The following DNM3 variants were observed in gnomAD, a reference collection of about 807,000 sequenced individuals.
DNM3 encodes dynamin-3.
A neutral mutation model predicts 101.6 loss-of-function variants in DNM3; 47 were observed. That is an observed-to-expected ratio of 0.46 (90% confidence interval 0.37 to 0.59). The LOEUF (loss-of-function observed/expected upper bound fraction) is 0.59. Ranked by LOEUF, DNM3 falls within the 20% of genes least tolerant of loss-of-function variation. The pLI, the probability that DNM3 is intolerant of heterozygous loss-of-function variation, is 0.00. For missense variants in DNM3, 849 were observed against 1,085.7 expected (o/e 0.78, Z 3.06); for synonymous variants, 385 against 387.9 (o/e 0.99, Z 0.09).
At chr1:171,853,393 C>T (rs1252814794) in intron 1 of DNM3, among the ~76,000 whole-genome samples, 2 of 152,078 alleles carry the variant, frequency 1.3e-5, no homozygotes, top group East Asian at 3.9e-4. Context: ...TCTTGAACTC[C>T]TGGGCTCAAG....
chr1:171,891,440 G>T (rs748387013), intron 1 of DNM3, among the ~76,000 whole-genome samples: 1 of 150,984 alleles, frequency 6.6e-6, no homozygotes, highest in Non-Finnish European at 1.5e-5. Flanking sequence ...TGGTATGTTT[G>T]TTGCAATTAA....
rs1240007065 is a variant in DNM3 at position 172,410,306 on chromosome 1, A to G, written c.*2465A>G. On this transcript the variant is annotated 3_prime_UTR_variant, in exon 21 of 21. Coordinates refer to ENST00000627582, the MANE Select transcript of DNM3 (RefSeq NM_015569.5). ...ACGTGCAGCATGCACACCAGGCCTT[A>G]AGATGGGAATGTAGCTTAATGATTT... 2 of 985,260 alleles carry G rather than the reference A, an allele frequency of 2.0e-6. No homozygotes were observed. The highest frequency in any genetic ancestry group is 2.4e-6 in the Non-Finnish European group (2 of 829,874). 61.0% of individuals were successfully genotyped at this position (985,260 alleles called of 1,614,324 possible).
At chr1:172,386,154 T>C (rs1175517682) in intron 18 of DNM3, among the ~76,000 whole-genome samples, 4 of 152,244 alleles carry the variant, frequency 2.6e-5, no homozygotes, top group African/African-American at 7.2e-5. Flanking sequence ...CCATACTTCA[T>C]CGATTCTCAC....
At chr1:172,016,492 T>A (rs2047463015) in intron 4 of DNM3, among the ~76,000 whole-genome samples, 1 of 152,260 alleles carries the variant, frequency 6.6e-6, no homozygotes, top group Non-Finnish European at 1.5e-5. Context: ...ACTACATTGT[T>A]GGACTTGACT....
intron 15 of DNM3, among the ~76,000 whole-genome samples, chr1:172,256,024 G>A (rs757724991): frequency 6.6e-6 from 1 of 152,050 alleles, no homozygotes; most frequent in Non-Finnish European, 1.5e-5. Context: ...TATACTAATA[G>A]ACCTTCTGAT....
intron 14 of DNM3, chr1:172,144,483 A>G: frequency 1.0e-5 from 4 of 400,038 alleles, no homozygotes; most frequent in South Asian, 8.7e-5. Flanking sequence ...AGGAGCAAAC[A>G]AATGTCTTCT....
At chr1:172,397,704 G>A (rs1306703533) in intron 20 of DNM3, among the ~76,000 whole-genome samples, 1 of 151,958 alleles carries the variant, frequency 6.6e-6, no homozygotes, top group Non-Finnish European at 1.5e-5. Context: ...TGTTTCTGGT[G>A]TTTGCTTAAA....
At chr1:172,365,266 T>A (rs945610774) in intron 17 of DNM3, among the ~76,000 whole-genome samples, 9 of 151,990 alleles carry the variant, frequency 5.9e-5, no homozygotes, top group Admixed American at 1.3e-4. Context: ...GATAAAATTA[T>A]GTGATATCTG....
chr1:172,091,865 A>G (rs1276458617), intron 12 of DNM3, among the ~76,000 whole-genome samples: 6 of 152,228 alleles, frequency 3.9e-5, no homozygotes, highest in African/African-American at 1.2e-4. Context: ...ACAGTAATCC[A>G]GATGAGGGAT....
At chr1:172,382,767 C>T (rs1343711934) in intron 18 of DNM3, among the ~76,000 whole-genome samples, 1 of 152,112 alleles carries the variant, frequency 6.6e-6, no homozygotes, top group African/African-American at 2.4e-5. Context: ...AAATCTTTCT[C>T]ATATTTAAGC....
At chr1:171,861,184 G>A (rs549758193) in intron 1 of DNM3, among the ~76,000 whole-genome samples, 1 of 152,180 alleles carries the variant, frequency 6.6e-6, no homozygotes, top group South Asian at 2.1e-4. Context: ...AAATCAATCT[G>A]CAGACTTAAT....
At chr1:172,233,419 G>C (rs1221472854) in intron 14 of DNM3, among the ~76,000 whole-genome samples, 1 of 152,052 alleles carries the variant, frequency 6.6e-6, no homozygotes, top group Non-Finnish European at 1.5e-5. Flanking sequence ...ACCAAAAAAA[G>C]TCCAGGACCA....
intron 2 of DNM3, among the ~76,000 whole-genome samples, chr1:171,930,156 T>A (rs1391938260): frequency 6.6e-6 from 1 of 152,042 alleles, no homozygotes; most frequent in Non-Finnish European, 1.5e-5. Flanking sequence ...AGATCCCTTC[T>A]GCCCCTGGTC....
chr1:172,094,945 A>T (rs530166696), intron 13 of DNM3, among the ~76,000 whole-genome samples: 2 of 152,332 alleles, frequency 1.3e-5, no homozygotes, highest in East Asian at 3.9e-4. Context: ...AATAGCATAT[A>T]TGCATACTTT....
In DNM3 at chr1:172,410,979, T is replaced by C; in HGVS notation, c.*3138T>C. On this transcript the variant is annotated 3_prime_UTR_variant, in exon 21 of 21. Transcript: ENST00000627582. ...ATATGGCATATACCTAGTAAGTATG[T>C]TTCTGTAAGTATGTGTATTTTATGT... 1.0e-6 allele frequency: 1 copy of C among 985,256 alleles called. No homozygotes were observed. Among genetic ancestry groups the C allele is most frequent in the East Asian group, 1.1e-4 (1 of 8,824 alleles). The allele number at this position is 985,256 out of a possible 1,614,324, so 61.0% of individuals were successfully genotyped here.
At chr1:172,033,917 C>A (rs902963881) in intron 6 of DNM3, among the ~76,000 whole-genome samples, 2 of 152,126 alleles carry the variant, frequency 1.3e-5, no homozygotes, top group African/African-American at 2.4e-5. Context: ...AGTGTTACGA[C>A]AAGCATCATT....
chr1:172,280,653 TAC>T (rs1230695108), intron 15 of DNM3, among the ~76,000 whole-genome samples: 1 of 152,214 alleles, frequency 6.6e-6, no homozygotes, highest in East Asian at 1.9e-4. Context: ...TGCTTTTACA[TAC>T]ATTGTTTTAT....
At chr1:172,137,630 T>C (rs1263259592) in intron 14 of DNM3, 2 of 152,174 alleles carry the variant, frequency 1.3e-5, no homozygotes, top group African/African-American at 4.8e-5. Flanking sequence ...AATACATACA[T>C]AAAGTGTTTA....
intron 17 of DNM3, among the ~76,000 whole-genome samples, chr1:172,360,337 A>G (rs1366531469): frequency 6.6e-6 from 1 of 152,064 alleles, no homozygotes; most frequent in African/African-American, 2.4e-5. Context: ...GTTCCTTCTT[A>G]TAGCAAAGCT....
Sources: gnomAD v4.1 joint callset for allele counts (sites outside exome capture counted in the v4.1 genomes callset) on GRCh38, gnomAD v4.1.1 for gene constraint, MANE v1.5 for transcripts, NCBI Gene and HGNC (gene_info 2026-07-23, HGNC 2026-07-21) for gene names.